PTGER3: variants seen among roughly 807,000 people sequenced by gnomAD.
The protein encoded by PTGER3 is prostaglandin E receptor 3, also known as prostaglandin E2 receptor EP3 subtype.
PTGER3 carries 22 observed loss-of-function variants against 34.7 expected under a neutral mutation model. The ratio of observed to expected loss-of-function variants is 0.63; its 90% CI spans 0.45 to 0.91. The LOEUF is 0.91. Among genes scored for constraint, PTGER3 ranks in the 40% least tolerant of loss-of-function variants. PTGER3 has a pLI of 0.00. For synonymous variants in PTGER3, 241 were observed against 230.1 expected, an observed-to-expected ratio of 1.05 and a Z score of -0.43; for missense variants, 468 against 519.4, an observed-to-expected ratio of 0.90 and a Z score of 0.96.
chr1:71,023,352 TG>T (rs987230205), intron 1 of PTGER3, among the ~76,000 whole-genome samples: 1 of 151,948 alleles, frequency 6.6e-6, no homozygotes, highest in African/African-American at 2.4e-5. Flanking sequence ...GCTACCTTTC[TG>T]GGTATTCCTC....
intron 4 of PTGER3, among the ~76,000 whole-genome samples, chr1:70,884,398 G>A (rs530578590): frequency 2.8e-4 from 42 of 152,296 alleles, no homozygotes; most frequent in African/African-American, 7.9e-4. Context: ...ATGCAATTAA[G>A]TTTCCTAGTC....
At chr1:70,954,916 G>GGCT (rs1403000655) in intron 2 of PTGER3, among the ~76,000 whole-genome samples, 5 of 151,966 alleles carry the variant, frequency 3.3e-5, no homozygotes, top group Non-Finnish European at 7.4e-5. Context: ...CATGTTTTCT[G>GGCT]GCTAAAATAA....
chr1:70,928,372 G>T (rs577998151), intron 4 of PTGER3, among the ~76,000 whole-genome samples: 1 of 151,788 alleles, frequency 6.6e-6, no homozygotes, highest in African/African-American at 2.4e-5. Context: ...AGTGGCTCAT[G>T]CTTACAATCC....
chr1:70,873,782 G>A (rs922212689), intron 4 of PTGER3, among the ~76,000 whole-genome samples: 2 of 151,738 alleles, frequency 1.3e-5, no homozygotes, highest in Non-Finnish European at 2.9e-5. Context: ...TGAGTAGCTG[G>A]GATTACAGGC....
intron 2 of PTGER3, among the ~76,000 whole-genome samples, chr1:70,979,292 T>A (rs999283005): frequency 6.6e-6 from 1 of 151,818 alleles, no homozygotes; most frequent in Admixed American, 6.6e-5. Context: ...ATATTATTTC[T>A]ATTTTATAGG....
At chr1:71,001,767 G>A (rs1000264715) in intron 2 of PTGER3, among the ~76,000 whole-genome samples, 2 of 152,102 alleles carry the variant, frequency 1.3e-5, no homozygotes, top group Admixed American at 6.6e-5. Context: ...TTTTTCCCAA[G>A]TTCACACATC....
chr1:70,897,311 A>T (rs1163989392), intron 4 of PTGER3, among the ~76,000 whole-genome samples: 1 of 152,190 alleles, frequency 6.6e-6, no homozygotes, highest in African/African-American at 2.4e-5. Flanking sequence ...CCATTCACTC[A>T]TTTATTCATT....
intron 2 of PTGER3, 148 bp downstream of exon 2, chr1:71,012,157 T>C: frequency 6.5e-7 from 1 of 1,546,952 alleles, no homozygotes; most frequent in South Asian, 1.2e-5. Flanking sequence ...AAATTCACAG[T>C]AAGGTTTAGC....
At chr1:70,863,061 C>T (rs567772257) in intron 4 of PTGER3, among the ~76,000 whole-genome samples, 3 of 151,340 alleles carry the variant, frequency 2.0e-5, no homozygotes, top group East Asian at 1.9e-4. Context: ...AAGAAGGGGG[C>T]GGCCGATGCC....
chr1:70,907,103 A>T (rs948338322), intron 4 of PTGER3, among the ~76,000 whole-genome samples: 4 of 152,216 alleles, frequency 2.6e-5, no homozygotes, highest in Non-Finnish European at 5.9e-5. Context: ...TATAATGACC[A>T]AATGTCACTC....
intron 2 of PTGER3, among the ~76,000 whole-genome samples, chr1:70,995,281 A>C (rs1198624980): frequency 6.6e-6 from 1 of 152,202 alleles, no homozygotes; most frequent in Non-Finnish European, 1.5e-5. Context: ...GGCTGGTATC[A>C]GTGTTGCCAG....
Position 70,875,269 on chromosome 1 carries a change from TG to T in PTGER3, c.*24-22411del, listed in dbSNP as rs375303454. ...ATCTGAAGGGTGTGATCAACCTCCCTGGGGTTTGACAGGTTACTGTCCTGCT... is the reference window on the plus strand; with the variant it reads ...ATCTGAAGGGTGTGATCAACCTCCCTGGGTTTGACAGGTTACTGTCCTGCT... On this transcript the variant is annotated intron_variant, in intron 4 of 4. Coordinates refer to the PTGER3 transcript ENST00000370931. 5.4e-3 allele frequency among the ~76,000 whole-genome samples: 818 copies of T among 152,284 alleles called. 2 individuals carry two copies. Among genetic ancestry groups the T allele is most frequent in the African/African-American group, 0.019 (779 of 41,562 alleles).
rs146292315 is a variant in PTGER3, at chr1:70,981,548, A to G, written c.1078-7160T>C. On this transcript the variant is annotated intron_variant, in intron 2 of 3. Transcript: ENST00000306666. ...CTCAGCCTTCCAAGTAGCTGGGACT[A>G]CAGGCATGCATCACCACACCCTGCT... 7.8e-3 allele frequency among the ~76,000 whole-genome samples: 1,187 copies of G among 151,760 alleles called. 22 individuals are homozygous for G. The highest frequency in any genetic ancestry group is 0.027 in the African/African-American group (1,124 of 41,322).
At chr1:70,891,752 A>G (rs970865709) in intron 4 of PTGER3, among the ~76,000 whole-genome samples, 2 of 152,234 alleles carry the variant, frequency 1.3e-5, no homozygotes, top group Non-Finnish European at 2.9e-5. Flanking sequence ...TAAAAATAGC[A>G]TGGACTTTCT....
At chr1:70,977,540 T>C (rs780641804) in intron 2 of PTGER3, among the ~76,000 whole-genome samples, 1 of 152,070 alleles carries the variant, frequency 6.6e-6, no homozygotes, top group Non-Finnish European at 1.5e-5. Flanking sequence ...GTCTGTGCTG[T>C]CACCTTCAGA....
chr1:70,971,679 C>T lies in PTGER3; in HGVS notation c.*51G>A. The stretch of plus-strand genomic sequence containing the variant: ...TCCTTCTCAGGTGGGAAGAAATATG[C>T]AAATTCAGGGAAGCAGGAATTGCAA... On this transcript the variant is annotated 3_prime_UTR_variant, in exon 4 of 4. Transcript: ENST00000306666. 4 of 1,546,016 alleles carry T rather than the reference C, an allele frequency of 2.6e-6. No individual in the cohort carries two copies. The highest frequency in any genetic ancestry group is 2.0e-5 in the Admixed American group (1 of 50,948).
At chr1:70,913,630 T>TTC (rs1647108701) in intron 4 of PTGER3, among the ~76,000 whole-genome samples, 1 of 151,906 alleles carries the variant, frequency 6.6e-6, no homozygotes, top group African/African-American at 2.4e-5. Context: ...TATTCAAGCC[T>TTC]TTTATTAGGA....
At chr1:70,955,471 G>A (rs1420500579) in intron 2 of PTGER3, among the ~76,000 whole-genome samples, 3 of 152,098 alleles carry the variant, frequency 2.0e-5, no homozygotes, top group Non-Finnish European at 4.4e-5. Context: ...AAGAGAGAAA[G>A]CGAGAAACAG....
intron 1 of PTGER3, among the ~76,000 whole-genome samples, chr1:71,045,302 T>C (rs1030796633): frequency 6.6e-6 from 1 of 152,238 alleles, no homozygotes; most frequent in Non-Finnish European, 1.5e-5. Flanking sequence ...TAATGCCTAA[T>C]GCCACTGAAC....
Sources: gnomAD v4.1 joint callset for allele counts (sites outside exome capture counted in the v4.1 genomes callset) on GRCh38, gnomAD v4.1.1 for gene constraint, MANE v1.5 for transcripts, NCBI Gene and HGNC (gene_info 2026-07-23, HGNC 2026-07-21) for gene names.